Variants in SLC2A13 observed in about 807,000 individuals in gnomAD.
The protein encoded by SLC2A13 is proton myo-inositol cotransporter.
A neutral mutation model predicts 64.4 loss-of-function variants in SLC2A13; 32 were observed. The ratio of observed to expected loss-of-function variants is 0.50; its 90% CI spans 0.37 to 0.67. SLC2A13 has a LOEUF of 0.67. Ranked by LOEUF, SLC2A13 falls within the 30% of genes least tolerant of loss-of-function variation. The probability of loss-of-function intolerance (pLI) is 0.00; values close to 1 mark genes in which losing one functional copy is unlikely to be tolerated. For missense variants in SLC2A13, 743 were observed against 829.2 expected, an observed-to-expected ratio of 0.90 and a Z score of 1.28; for synonymous variants, 338 against 327.1, an observed-to-expected ratio of 1.03 and a Z score of -0.36.
At chr12:39,910,035 C>T (rs1256323883) in intron 4 of SLC2A13, among the ~76,000 whole-genome samples, 1 of 151,858 alleles carries the variant, frequency 6.6e-6, no homozygotes, top group African/African-American at 2.4e-5. Context: ...TAAGAAGGGT[C>T]CTTAGATACA....
At position 39,934,171 on chromosome 12, in the gene SLC2A13, C is replaced by A. The variant is rs972861439; in HGVS notation, c.1034+17086G>T. On this transcript the variant is annotated intron_variant, in intron 4 of 9. Coordinates refer to ENST00000280871, the MANE Select transcript of SLC2A13 (RefSeq NM_052885.4). The stretch of plus-strand genomic sequence containing the variant: ...TGTGCACACAGCCTCAAAAAGAATT[C>A]TTTTAATGTGAAATGAAGGTCTTGG... Among the ~76,000 whole-genome samples, 7 of 152,224 alleles carry A rather than the reference C, an allele frequency of 4.6e-5. No homozygotes were observed. The East Asian group carries it at 7.7e-4, about 17-fold the overall frequency.
At chr12:39,792,559 C>T (rs1363128621) in intron 7 of SLC2A13, among the ~76,000 whole-genome samples, 1 of 152,148 alleles carries the variant, frequency 6.6e-6, no homozygotes, top group Non-Finnish European at 1.5e-5. Context: ...ATTCTAGATA[C>T]TAAGCCTCTG....
At chr12:39,820,036 TATA>T (rs886621152) in intron 7 of SLC2A13, among the ~76,000 whole-genome samples, 4 of 152,112 alleles carry the variant, frequency 2.6e-5, no homozygotes, top group Non-Finnish European at 4.4e-5. Flanking sequence ...AATAATTAAA[TATA>T]ATATTAATAT....
chr12:40,000,839 C>G (rs1947311207), intron 3 of SLC2A13, among the ~76,000 whole-genome samples: 1 of 152,138 alleles, frequency 6.6e-6, no homozygotes, highest in African/African-American at 2.4e-5. Context: ...GGGGTTAGGA[C>G]TTCAACATAT....
chr12:40,052,592 T>C (rs536507868), intron 1 of SLC2A13, among the ~76,000 whole-genome samples: 21 of 152,222 alleles, frequency 1.4e-4, no homozygotes, highest in African/African-American at 5.1e-4. Flanking sequence ...TAAGAAATAA[T>C]GCTGATTTGT....
At chr12:39,839,629 T>C (rs114357609) in intron 6 of SLC2A13, among the ~76,000 whole-genome samples, 1 of 152,048 alleles carries the variant, frequency 6.6e-6, no homozygotes, top group Non-Finnish European at 1.5e-5. Flanking sequence ...TCCCTTTGTT[T>C]CTCCCACCTC....
chr12:40,006,590 C>A (rs755279645), intron 3 of SLC2A13, among the ~76,000 whole-genome samples: 2 of 152,060 alleles, frequency 1.3e-5, no homozygotes, highest in African/African-American at 2.4e-5. Flanking sequence ...GGTAAAATTT[C>A]TTTCTAATAG....
chr12:40,037,476 G>C (rs923817526), intron 2 of SLC2A13, among the ~76,000 whole-genome samples: 1 of 151,518 alleles, frequency 6.6e-6, no homozygotes, highest in African/African-American at 2.4e-5. Flanking sequence ...AAAATTTGCC[G>C]GGTGTGGTTG....
intron 2 of SLC2A13, among the ~76,000 whole-genome samples, chr12:40,033,267 A>G (rs1460326304): frequency 6.6e-6 from 1 of 152,256 alleles, no homozygotes; most frequent in African/African-American, 2.4e-5. Context: ...TTGATAATTA[A>G]TTCTGTAGAA....
intron 7 of SLC2A13, among the ~76,000 whole-genome samples, chr12:39,767,591 T>A (rs1428675214): frequency 6.6e-6 from 1 of 152,074 alleles, no homozygotes; most frequent in Non-Finnish European, 1.5e-5. Flanking sequence ...GATGGTATCT[T>A]CTTCCAACAG....
rs1037912723 is a variant in SLC2A13, at chr12:40,010,596, A to AT, written c.925+17704dup. On this transcript the variant is annotated intron_variant, in intron 3 of 9. Transcript: ENST00000280871. ...ATATAGAATCCATCTAATTTTAATG[A>AT]TTTTTTCACAAACCTTTTAAAACCA... is the stretch of plus-strand genomic sequence containing the variant. 6.2e-4 allele frequency among the ~76,000 whole-genome samples: 94 copies of AT among 152,298 alleles called. 1 individual carries two copies. Among genetic ancestry groups the AT allele is most frequent in the African/African-American group, 2.2e-3 (92 of 41,570 alleles).
chr12:39,980,678 T>C (rs1426534000), intron 3 of SLC2A13, among the ~76,000 whole-genome samples: 1 of 150,946 alleles, frequency 6.6e-6, no homozygotes, highest in Non-Finnish European at 1.5e-5. Context: ...ATAAAGCAAG[T>C]CCTGAGTGAC....
At chr12:39,981,748 C>G (rs1218306304) in intron 3 of SLC2A13, among the ~76,000 whole-genome samples, 94 of 147,468 alleles carry the variant, frequency 6.4e-4, no homozygotes, top group Non-Finnish European at 1.4e-3. Context: ...ACCAGAGGTA[C>G]AAGGAGGAAC....
chr12:39,994,292 AGAATCGCTTGAACCCGG>A (rs1033527046), intron 3 of SLC2A13, among the ~76,000 whole-genome samples: 31 of 151,620 alleles, frequency 2.0e-4, no homozygotes, highest in African/African-American at 7.5e-4. Context: ...CTGAGGCAGG[AGAATCGCTTGAACCCGG>A]GAGGCGGAGC....
At chr12:40,056,143 T>G (rs1043696550) in intron 1 of SLC2A13, among the ~76,000 whole-genome samples, 1 of 151,970 alleles carries the variant, frequency 6.6e-6, no homozygotes, top group South Asian at 2.1e-4. Flanking sequence ...ATATAACTTA[T>G]GTAACCATTC....
intron 1 of SLC2A13, among the ~76,000 whole-genome samples, chr12:40,102,174 G>A (rs186632232): frequency 6.6e-6 from 1 of 152,228 alleles, no homozygotes; most frequent in East Asian, 1.9e-4. Context: ...TTAATTGCTT[G>A]TTTATGTATC....
chr12:39,777,597 G>GT (rs1454974557), intron 7 of SLC2A13, among the ~76,000 whole-genome samples: 1 of 151,988 alleles, frequency 6.6e-6, no homozygotes, highest in African/African-American at 2.4e-5. Flanking sequence ...GGCCTGCCAC[G>GT]CCCCCATCCT....
At chr12:39,936,111 T>C (rs966497175) in intron 4 of SLC2A13, among the ~76,000 whole-genome samples, 1 of 152,212 alleles carries the variant, frequency 6.6e-6, no homozygotes, top group Non-Finnish European at 1.5e-5. Flanking sequence ...TAATTGATTT[T>C]GTTGCAGAAA....
intron 6 of SLC2A13, among the ~76,000 whole-genome samples, chr12:39,842,927 T>C (rs1044937957): frequency 6.6e-5 from 10 of 152,192 alleles, no homozygotes; most frequent in African/African-American, 2.2e-4. Context: ...AGCCATATTA[T>C]AGCATTTGTC....
Sources: allele counts gnomAD v4.1 joint callset (sites outside exome capture counted in the v4.1 genomes callset), GRCh38; gene constraint gnomAD v4.1.1; transcripts MANE v1.5; gene names NCBI Gene and HGNC (gene_info 2026-07-23, HGNC 2026-07-21).